The following AKAP10 variants were observed in gnomAD, a reference collection of about 807,000 sequenced individuals.
The protein encoded by AKAP10 is A-kinase anchoring protein 10.
Under a neutral mutation model 80.8 loss-of-function variants are expected in AKAP10, and 24 were observed. The ratio of observed to expected loss-of-function variants is 0.30; its 90% confidence interval spans 0.22 to 0.42. AKAP10 has a LOEUF of 0.42. Among genes scored for constraint, AKAP10 ranks in the 10% least tolerant of loss-of-function variants. The pLI, the probability that AKAP10 is intolerant of heterozygous loss-of-function variation, is 1.00. For synonymous variants in AKAP10, 291 were observed against 277.7 expected (o/e 1.05, Z -0.48); for missense variants, 661 against 794.9 (o/e 0.83, Z 2.03).
chr17:19,949,387 G>A (rs1173292914), intron 4 of AKAP10, among the ~76,000 whole-genome samples: 1 of 152,066 alleles, frequency 6.6e-6, no homozygotes, highest in African/African-American at 2.4e-5. Context: ...AGTAAGGAAA[G>A]CCTCAGGAAC....
At chr17:19,914,131 C>G (rs952463078) in intron 12 of AKAP10, among the ~76,000 whole-genome samples, 3 of 152,154 alleles carry the variant, frequency 2.0e-5, no homozygotes, top group South Asian at 2.1e-4. Context: ...TCCCAAGTAG[C>G]TGGGACCACA....
intron 1 of AKAP10, among the ~76,000 whole-genome samples, chr17:19,976,505 C>G (rs992580851): frequency 6.6e-6 from 1 of 151,622 alleles, no homozygotes; most frequent in African/African-American, 2.4e-5. Context: ...AAAAAGAAAA[C>G]AAAACCCATT....
intron 5 of AKAP10, among the ~76,000 whole-genome samples, chr17:19,946,242 T>TATATATATATATTAC (rs2043116133): frequency 7.3e-5 from 1 of 13,722 alleles, no homozygotes; most frequent in African/African-American, 4.0e-4. Context: ...ATATATTATA[T>TATATATATATATTAC]ATATATATAT....
chr17:19,954,120 C>T (rs1026193869), intron 4 of AKAP10, among the ~76,000 whole-genome samples: 3 of 152,172 alleles, frequency 2.0e-5, no homozygotes, highest in African/African-American at 7.2e-5. Flanking sequence ...CAATTCTACA[C>T]AATCTCTTCT....
At chr17:19,941,271 T>A (rs1418374496) in intron 6 of AKAP10, among the ~76,000 whole-genome samples, 1 of 152,240 alleles carries the variant, frequency 6.6e-6, no homozygotes, top group Non-Finnish European at 1.5e-5. Flanking sequence ...TGTCTTTTAT[T>A]AGGCTGTAAC....
At chr17:19,910,422 C>T (rs967559593) in intron 12 of AKAP10, among the ~76,000 whole-genome samples, 12 of 151,286 alleles carry the variant, frequency 7.9e-5, no homozygotes, top group African/African-American at 2.4e-4. Context: ...TTGTGTGATA[C>T]CCCAAAACAC....
At chr17:19,951,559 C>T (rs1189229745) in intron 4 of AKAP10, among the ~76,000 whole-genome samples, 2 of 151,506 alleles carry the variant, frequency 1.3e-5, no homozygotes, top group African/African-American at 4.9e-5. Context: ...AAGAAAAATT[C>T]TTCTGCCTTG....
At chr17:19,915,865 C>A (rs561399115) in intron 12 of AKAP10, among the ~76,000 whole-genome samples, 1 of 152,306 alleles carries the variant, frequency 6.6e-6, no homozygotes, top group Admixed American at 6.5e-5. Context: ...ATAGAGCAAT[C>A]CCTTAAAAAC....
chr17:19,956,464 CTAAA>C (rs1031013680), intron 4 of AKAP10, among the ~76,000 whole-genome samples: 3 of 151,968 alleles, frequency 2.0e-5, no homozygotes, highest in African/African-American at 4.8e-5. Flanking sequence ...TTTAATAAAA[CTAAA>C]TAAATAAAAG....
chr17:19,973,934 T>C (rs1438629943), intron 1 of AKAP10, among the ~76,000 whole-genome samples: 1 of 152,200 alleles, frequency 6.6e-6, no homozygotes, highest in South Asian at 2.1e-4. Context: ...CCGGGAGCGG[T>C]GGCTCATGCC....
intron 5 of AKAP10, 50 bp from the exon 6 acceptor site, chr17:19,941,960 T>C (rs759760107): frequency 8.4e-6 from 13 of 1,540,644 alleles, no homozygotes; most frequent in Non-Finnish European, 1.2e-5. Context: ...TCAAACTATG[T>C]ATACACACTT....
chr17:19,931,624 C>T (rs539613802), intron 10 of AKAP10, among the ~76,000 whole-genome samples, 181 bp downstream of exon 10: 2 of 152,156 alleles, frequency 1.3e-5, no homozygotes, highest in South Asian at 2.1e-4. Flanking sequence ...TTCCTGACCT[C>T]GTGTGATCCG....
Position 19,946,275 on chromosome 17 carries a change from A to AT in AKAP10, c.976+1131dup, listed in dbSNP as rs71157846. Among the ~76,000 whole-genome samples the AT allele has an allele frequency of 4.4e-3, 57 of 12,946 alleles. 4 individuals carry two copies. Among genetic ancestry groups the AT allele is most frequent in the Middle Eastern group, 0.12 (1 of 8 alleles). 8.5% of individuals were successfully genotyped at this position (12,946 alleles called of 152,430 possible). A position where few individuals can be genotyped will look rare whatever the true frequency, so the allele number is the denominator to read the frequency against. On this transcript the variant is annotated intron_variant, in intron 5 of 14. Transcript: ENST00000225737. Reference sequence around the variant, plus strand: ...TATATATATATATATATATATATATATTTTTTTTTTTTTTTTTTTTTTTTG... The same window carrying AT: ...TATATATATATATATATATATATATATTTTTTTTTTTTTTTTTTTTTTTTTG...
intron 1 of AKAP10, among the ~76,000 whole-genome samples, chr17:19,977,029 C>T (rs1446231679): frequency 6.7e-6 from 1 of 150,114 alleles, no homozygotes. Context: ...GTTAGGGTTC[C>T]AGTAGTTAGC....
intron 10 of AKAP10, among the ~76,000 whole-genome samples, chr17:19,929,049 T>A (rs750830481): frequency 6.6e-6 from 1 of 152,184 alleles, no homozygotes; most frequent in Non-Finnish European, 1.5e-5. Context: ...CAAACATGGA[T>A]AACATGATGC....
At chr17:19,947,560 T>C (rs2043148588) in intron 4 of AKAP10, 55 bp from the exon 5 acceptor site, 2 of 1,147,128 alleles carry the variant, frequency 1.7e-6, no homozygotes, top group Non-Finnish European at 2.6e-6. Flanking sequence ...ACTCCAGTAA[T>C]GAATTATATT....
At chr17:19,962,795 T>A (rs1465834207) in intron 3 of AKAP10, 45 bp downstream of exon 3, 1 of 1,573,722 alleles carries the variant, frequency 6.4e-7, no homozygotes, top group East Asian at 2.3e-5. Flanking sequence ...CATATTGTAC[T>A]CAAATCCTTC....
intron 5 of AKAP10, among the ~76,000 whole-genome samples, chr17:19,946,236 AT>A (rs1460314405): frequency 0.089 from 2,006 of 22,662 alleles, 163 homozygotes; most frequent in East Asian, 0.22. Context: ...ATATATATAT[AT>A]TATATATATA....
chr17:19,952,781 G>A (rs2043229762), intron 4 of AKAP10, among the ~76,000 whole-genome samples: 1 of 151,688 alleles, frequency 6.6e-6, no homozygotes. Context: ...AATACATGAA[G>A]CAAAACCAGA....
Sources: allele counts gnomAD v4.1 joint callset (sites outside exome capture counted in the v4.1 genomes callset), GRCh38; gene constraint gnomAD v4.1.1; transcripts MANE v1.5; gene names NCBI Gene and HGNC (gene_info 2026-07-23, HGNC 2026-07-21).